The following MAGI2 variants were observed in gnomAD, a reference collection of about 807,000 sequenced individuals.
MAGI2 encodes the protein membrane associated guanylate kinase, WW and PDZ domain containing 2.
A neutral mutation model predicts 133.3 loss-of-function variants in MAGI2; 35 were observed. That is an observed-to-expected ratio of 0.26 (90% confidence interval 0.20 to 0.35). MAGI2 has a LOEUF of 0.35. Ranked by LOEUF, MAGI2 falls within the 10% of genes least tolerant of loss-of-function variation. MAGI2 has a pLI of 1.00. For missense variants in MAGI2, 1,636 were observed against 1,863.4 expected (o/e 0.88, Z 2.25); for synonymous variants, 729 against 710.6 (o/e 1.03, Z -0.41).
intron 11 of MAGI2, 27 bp downstream of exon 11, chr7:78,201,135 G>T: frequency 7.0e-7 from 1 of 1,437,800 alleles, no homozygotes; most frequent in Non-Finnish European, 9.4e-7. Context: ...TAGAAATAAA[G>T]AAAGAAGCAT....
chr7:78,545,875 A>G (rs1034907839), intron 3 of MAGI2, among the ~76,000 whole-genome samples: 3 of 152,198 alleles, frequency 2.0e-5, no homozygotes, highest in African/African-American at 7.2e-5. Flanking sequence ...AAAAAATAAA[A>G]TGCATTAACT....
chr7:78,651,566 A>C (rs927597081), intron 2 of MAGI2, among the ~76,000 whole-genome samples: 1 of 152,108 alleles, frequency 6.6e-6, no homozygotes, highest in Non-Finnish European at 1.5e-5. Context: ...CCCAGAAAAT[A>C]ACTTCCAATA....
intron 21 of MAGI2, chr7:78,065,584 G>C (rs1329858611): frequency 4.3e-6 from 3 of 695,256 alleles, no homozygotes; most frequent in South Asian, 3.0e-5. Context: ...CGTGTCTTTA[G>C]GGTGGCCCAA....
rs182757384 is a variant in MAGI2 at position 79,073,418 on chromosome 7, A to G, written c.302-66212T>C. On this transcript the variant is annotated intron_variant, in intron 1 of 21. Coordinates refer to ENST00000354212, the MANE Select transcript of MAGI2 (RefSeq NM_012301.4). ...ACAGTCTTTATTTAACTGAGACTTG[A>G]TTGTTAATTTTTATTCTCAAAATCA... is the stretch of plus-strand genomic sequence containing the variant. 1.0e-3 allele frequency among the ~76,000 whole-genome samples: 156 copies of G among 152,148 alleles called. 1 individual carries two copies. The highest frequency in any genetic ancestry group is 3.7e-3 in the African/African-American group (153 of 41,522).
intron 10 of MAGI2, among the ~76,000 whole-genome samples, chr7:78,230,898 A>G (rs926804948): frequency 2.6e-5 from 4 of 152,188 alleles, no homozygotes; most frequent in Non-Finnish European, 5.9e-5. Context: ...TGACTTTCAC[A>G]AACTCCTGCA....
At chr7:78,201,628 T>A (rs997530715) in intron 10 of MAGI2, among the ~76,000 whole-genome samples, 3 of 152,224 alleles carry the variant, frequency 2.0e-5, no homozygotes, top group African/African-American at 7.2e-5. Context: ...TGGTTAAAAA[T>A]CAATTAATAA....
intron 2 of MAGI2, among the ~76,000 whole-genome samples, chr7:78,905,590 C>T (rs1797937667): frequency 2.0e-5 from 3 of 152,148 alleles, no homozygotes; most frequent in Non-Finnish European, 2.9e-5. Flanking sequence ...CTAGAGTGCC[C>T]TTTCCAGGAT....
intron 1 of MAGI2, among the ~76,000 whole-genome samples, chr7:79,408,781 A>T (rs905746631): frequency 6.6e-6 from 1 of 152,122 alleles, no homozygotes; most frequent in Non-Finnish European, 1.5e-5. Context: ...TTCTACATTT[A>T]AAACCCATAG....
At chr7:78,697,139 T>C (rs540486362) in intron 2 of MAGI2, among the ~76,000 whole-genome samples, 1 of 152,308 alleles carries the variant, frequency 6.6e-6, no homozygotes, top group East Asian at 1.9e-4. Flanking sequence ...TCTAACATTT[T>C]TGATATTTAG....
At chr7:79,025,527 G>A (rs1471904633) in intron 1 of MAGI2, among the ~76,000 whole-genome samples, 1 of 152,160 alleles carries the variant, frequency 6.6e-6, no homozygotes, top group Non-Finnish European at 1.5e-5. Flanking sequence ...GGAATAGAAT[G>A]TGTGTTTGTG....
chr7:78,521,390 C>T, intron 4 of MAGI2, 40 bp downstream of exon 4: 1 of 1,470,820 alleles, frequency 6.8e-7, no homozygotes, highest in Non-Finnish European at 9.5e-7. Context: ...AGATCTAAAA[C>T]AGTAAATTTA....
At position 78,173,584 on chromosome 7, in the gene MAGI2, A is replaced by T. The variant is rs376400829; in HGVS notation, c.2403+4427T>A. Reference sequence around the variant, plus strand: ...ATTAGAAACTTTGTTGCTTTGCCTAATATTTATTTTATAGTTTAATGTTAT... The same window carrying T: ...ATTAGAAACTTTGTTGCTTTGCCTATTATTTATTTTATAGTTTAATGTTAT... On this transcript the variant is annotated intron_variant, in intron 14 of 21. Transcript: ENST00000354212. 2.0e-5 allele frequency among the ~76,000 whole-genome samples: 3 copies of T among 152,294 alleles called. No homozygotes were observed. In the East Asian group the frequency reaches 5.8e-4, roughly 29 times the overall value.
intron 2 of MAGI2, among the ~76,000 whole-genome samples, chr7:78,800,327 A>T (rs1787960199): frequency 6.6e-6 from 1 of 152,224 alleles, no homozygotes; most frequent in African/African-American, 2.4e-5. Context: ...GGGGAGGATG[A>T]ATTGTGATCC....
intron 2 of MAGI2, among the ~76,000 whole-genome samples, chr7:78,813,218 T>C (rs1413966613): frequency 6.6e-6 from 1 of 152,198 alleles, no homozygotes; most frequent in Admixed American, 6.5e-5. Flanking sequence ...AGGCCCAAAT[T>C]AACATTATAA....
At chr7:78,671,276 T>G (rs912656699) in intron 2 of MAGI2, among the ~76,000 whole-genome samples, 1 of 74,928 alleles carries the variant, frequency 1.3e-5, no homozygotes, top group Non-Finnish European at 2.7e-5. Flanking sequence ...TGTGTCTCTC[T>G]CTCTCTTTTT....
At chr7:78,648,302 C>T (rs374843943) in intron 2 of MAGI2, among the ~76,000 whole-genome samples, 7 of 151,964 alleles carry the variant, frequency 4.6e-5, no homozygotes, top group African/African-American at 1.2e-4. Context: ...AAGGAAAAAC[C>T]GAAAAATAAA....
intron 1 of MAGI2, among the ~76,000 whole-genome samples, chr7:79,391,118 A>G (rs1333432637): frequency 6.6e-6 from 1 of 152,174 alleles, no homozygotes; most frequent in Admixed American, 6.5e-5. Flanking sequence ...AACTTTGAGA[A>G]ATTTCAGAAG....
At chr7:79,137,907 T>C (rs1254199119) in intron 1 of MAGI2, among the ~76,000 whole-genome samples, 2 of 152,174 alleles carry the variant, frequency 1.3e-5, no homozygotes, top group African/African-American at 2.4e-5. Flanking sequence ...ATTGAGACTC[T>C]TTAAATGGGA....
intron 1 of MAGI2, among the ~76,000 whole-genome samples, chr7:79,435,379 T>A (rs1483348583): frequency 6.6e-6 from 1 of 152,232 alleles, no homozygotes; most frequent in African/African-American, 2.4e-5. Context: ...TTAAATGACA[T>A]GTTTGAAAAC....
Sources: gnomAD v4.1 joint callset for allele counts (sites outside exome capture counted in the v4.1 genomes callset) on GRCh38, gnomAD v4.1.1 for gene constraint, MANE v1.5 for transcripts, NCBI Gene and HGNC (gene_info 2026-07-23, HGNC 2026-07-21) for gene names.